Variants in GCC2 observed in about 807,000 individuals in gnomAD.
GCC2 encodes the protein GRIP and coiled-coil domain-containing protein 2.
GCC2 carries 120 observed loss-of-function variants against 210.6 expected under a neutral mutation model. The observed-to-expected ratio is 0.57, with a 90% CI of 0.49 to 0.66. The LOEUF is 0.66. GCC2 is among the 30% of genes least tolerant of loss of function. The pLI is 0.00. For synonymous variants in GCC2, 703 were observed against 652.7 expected (o/e 1.08, Z -1.17); for missense variants, 1,868 against 1,871.9 (o/e 1.00, Z 0.04).
chr2:108,506,813 C>T (rs570022505), intron 22 of GCC2, among the ~76,000 whole-genome samples: 3 of 151,892 alleles, frequency 2.0e-5, no homozygotes, highest in South Asian at 4.2e-4. Flanking sequence ...AAATAATGTT[C>T]GAGAACAGAC....
chr2:108,451,233 T>C, intron 3 of GCC2, 121 bp downstream of exon 3: 1 of 579,886 alleles, frequency 1.7e-6, no homozygotes, highest in Non-Finnish European at 3.0e-6. Context: ...AAGTACACCT[T>C]AGTGTAGTAG....
At chr2:108,452,520 G>C in intron 4 of GCC2, 54 bp downstream of exon 4, 1 of 1,050,406 alleles carries the variant, frequency 9.5e-7, no homozygotes, top group South Asian at 1.3e-5. Flanking sequence ...CCTGAGGATT[G>C]TCAGTCTGCT....
chr2:108,490,262 G>A (rs916991312), intron 18 of GCC2: 1 of 320,110 alleles, frequency 3.1e-6, no homozygotes, highest in African/African-American at 2.1e-5. Context: ...CAGCCTTCTT[G>A]GCTAGGATGT....
chr2:108,502,654 GCA>G (rs1477508557), intron 22 of GCC2, among the ~76,000 whole-genome samples: 39 of 152,090 alleles, frequency 2.6e-4, no homozygotes, highest in Non-Finnish European at 4.3e-4. Context: ...GTAAGGCCTG[GCA>G]CGGTGGCTCA....
In GCC2 at chr2:108,475,760, T is replaced by C; in HGVS notation, c.2970T>C (p.Thr990=). Residue 990 remains threonine, a synonymous_variant, in exon 9 of 23, where the codon ACT becomes ACC. Transcript: ENST00000309863. ...ELDSSRKETQ[T]VKEELESLRS... is the part of the protein sequence containing the mutation. ...ACTTGTGTTTAAAACAGACCCAGAC[T>C]GTGAAGGAAGAACTTGAATCTCTTC... 4 of 1,600,284 alleles carry C rather than the reference T, an allele frequency of 2.5e-6. No individual in the cohort carries two copies. Among genetic ancestry groups the C allele is most frequent in the Non-Finnish European group, 3.4e-6 (4 of 1,172,476 alleles).
chr2:108,464,833 G>A (rs1052550664), intron 4 of GCC2, among the ~76,000 whole-genome samples: 8 of 152,210 alleles, frequency 5.3e-5, no homozygotes, highest in Admixed American at 2.6e-4. Flanking sequence ...TCATCGTTCT[G>A]CAAGCTGTTC....
chr2:108,494,582 A>G (rs892530997), intron 19 of GCC2: 2 of 152,234 alleles, frequency 1.3e-5, no homozygotes, highest in Non-Finnish European at 2.9e-5. Context: ...GTGTGTTTCA[A>G]GAAGTATGCA....
At chr2:108,500,290 G>A (rs1682853907) in intron 22 of GCC2, among the ~76,000 whole-genome samples, 2 of 152,016 alleles carry the variant, frequency 1.3e-5, no homozygotes, top group African/African-American at 4.8e-5. Flanking sequence ...CGAGGCAGGC[G>A]GATCACAAGA....
In GCC2 at chr2:108,468,726, G is replaced by T. The variant is rs530386964; in HGVS notation, c.217-254G>T. Among the ~76,000 whole-genome samples, 31 of 152,298 alleles carry T rather than the reference G, an allele frequency of 2.0e-4. 2 individuals are homozygous for T. The highest frequency in any genetic ancestry group is 7.2e-4 in the African/African-American group (30 of 41,548). ...GCCAGGTTCTCATGTGTTTCCTTGT[G>T]CAGGTCCTTAGGTTATAGCTTTCTT... On this transcript the variant is annotated intron_variant, in intron 4 of 22. Coordinates refer to ENST00000309863, the MANE Select transcript of GCC2 (RefSeq NM_181453.4).
At chr2:108,504,875 A>T (rs1683108296) in intron 22 of GCC2, among the ~76,000 whole-genome samples, 1 of 152,178 alleles carries the variant, frequency 6.6e-6, no homozygotes, top group South Asian at 2.1e-4. Context: ...ATAAAGACGA[A>T]AAAAAAGCCC....
In GCC2 at chr2:108,508,638, T is replaced by C. The variant is rs1683328082; in HGVS notation, c.*1008T>C. On this transcript the variant is annotated 3_prime_UTR_variant, in exon 23 of 23. Transcript: ENST00000309863. ...AAATATAAAAGTGGTGCTTTCAGTG[T>C]TTTTGGCAGATAGTGTTCCATAAGC... 6.6e-6 allele frequency: 1 copy of C among 152,040 alleles called. No homozygotes were observed. The highest frequency in any genetic ancestry group is 6.6e-5 in the Admixed American group (1 of 15,172). 9.4% of individuals were successfully genotyped at this position (152,040 alleles called of 1,614,324 possible). A position where few individuals can be genotyped will look rare whatever the true frequency, so the allele number is the denominator to read the frequency against.
intron 5 of GCC2, chr2:108,469,445 G>T (rs1473817250): frequency 4.1e-6 from 2 of 486,430 alleles, no homozygotes; most frequent in African/African-American, 2.0e-5. Context: ...TTGAGTAATA[G>T]ATTTAATATT....
chr2:108,452,336 C>T (rs1372436122), intron 3 of GCC2, 63 bp from the exon 4 acceptor site: 2 of 855,506 alleles, frequency 2.3e-6, no homozygotes, highest in East Asian at 2.4e-5. Context: ...ATGTACTTAT[C>T]AGTTTCCCAG....
chr2:108,496,701 A>G (rs982660805), intron 20 of GCC2: 13 of 541,862 alleles, frequency 2.4e-5, no homozygotes, highest in East Asian at 3.6e-5. Flanking sequence ...AAAACTGTCT[A>G]TAAACACAAT....
In GCC2 at chr2:108,472,742, C is replaced by A. The variant is rs547191837; in HGVS notation, c.2788-85C>A. 3.9e-6 allele frequency: 3 copies of A among 774,198 alleles called. No homozygotes were observed. In the South Asian group the frequency reaches 4.8e-5, roughly 12 times the overall value. 48.0% of individuals were successfully genotyped at this position (774,198 alleles called of 1,614,324 possible). ...TTGATAGTGATTTTCTTATGCTTAA[C>A]ATGATGGCCAGTTCATTATGGAAAA... On this transcript the variant is annotated intron_variant, in intron 6 of 22. Coordinates refer to ENST00000309863, the MANE Select transcript of GCC2 (RefSeq NM_181453.4).
At chr2:108,502,392 A>G (rs1356586984) in intron 22 of GCC2, among the ~76,000 whole-genome samples, 1 of 152,180 alleles carries the variant, frequency 6.6e-6, no homozygotes, top group East Asian at 1.9e-4. Context: ...CCTAAGGGAT[A>G]CCAAGAACAG....
intron 7 of GCC2, among the ~76,000 whole-genome samples, chr2:108,474,634 G>A (rs1474221105): frequency 3.9e-5 from 6 of 152,154 alleles, no homozygotes; most frequent in Admixed American, 3.9e-4. Context: ...TTTTATTTTA[G>A]AGGGGCAGTG....
intron 12 of GCC2, among the ~76,000 whole-genome samples, chr2:108,483,471 C>T (rs1432175285): frequency 1.3e-5 from 2 of 152,102 alleles, no homozygotes; most frequent in East Asian, 3.9e-4. Context: ...ATGATCCGCC[C>T]ATCTCAGCCT....
At chr2:108,483,236 C>G in intron 12 of GCC2, 70 bp downstream of exon 12, 1 of 804,392 alleles carries the variant, frequency 1.2e-6, no homozygotes, top group South Asian at 1.5e-5. Flanking sequence ...TCTGTTTGTT[C>G]TGTTCTCTCT....
Sources: allele counts gnomAD v4.1 joint callset (sites outside exome capture counted in the v4.1 genomes callset), GRCh38; gene constraint gnomAD v4.1.1; transcripts MANE v1.5; gene names NCBI Gene and HGNC (gene_info 2026-07-23, HGNC 2026-07-21).